Variants in NRF1 observed in about 807,000 individuals in gnomAD.
NRF1 encodes alpha palindromic-binding protein.
In NRF1, 5 loss-of-function variants were observed where a neutral mutation model predicts 58.5. The observed-to-expected ratio is 0.09, with a 90% confidence interval of 0.04 to 0.18. The LOEUF (loss-of-function observed/expected upper bound fraction) is 0.18, where lower values mean the gene tolerates loss of function less well. Among genes scored for constraint, NRF1 ranks in the 10% least tolerant of loss-of-function variants. NRF1 has a pLI of 1.00. For synonymous variants in NRF1, 224 were observed against 246.7 expected, an observed-to-expected ratio of 0.91 and a Z score of 0.86; for missense variants, 288 against 657.7, an observed-to-expected ratio of 0.44 and a Z score of 6.15.
intron 1 of NRF1, among the ~76,000 whole-genome samples, chr7:129,623,785 A>G (rs999566873): frequency 2.0e-5 from 3 of 152,206 alleles, no homozygotes; most frequent in African/African-American, 7.2e-5. Context: ...GGTGACGATG[A>G]CAAAGTCCGA....
intron 1 of NRF1, among the ~76,000 whole-genome samples, chr7:129,618,510 C>T (rs972480175): frequency 5.8e-4 from 88 of 152,176 alleles, no homozygotes; most frequent in African/African-American, 1.9e-3. Context: ...GTCTGGGCAA[C>T]GTTGTGAGAC....
At chr7:129,652,812 T>A (rs889774424) in intron 1 of NRF1, among the ~76,000 whole-genome samples, 1 of 152,182 alleles carries the variant, frequency 6.6e-6, no homozygotes, top group Non-Finnish European at 1.5e-5. Context: ...CAGGATGGTC[T>A]CGATCTCCTG....
intron 5 of NRF1, among the ~76,000 whole-genome samples, chr7:129,695,151 TTC>T (rs1802658630): frequency 6.6e-6 from 1 of 152,196 alleles, no homozygotes; most frequent in Admixed American, 6.5e-5. Context: ...GGCTTTATTT[TTC>T]TGTTTCTTTT....
intron 2 of NRF1, among the ~76,000 whole-genome samples, chr7:129,663,663 G>T (rs1312940251): frequency 4.6e-5 from 7 of 151,464 alleles, no homozygotes; most frequent in Non-Finnish European, 7.4e-5. Flanking sequence ...GGGCAGAGGG[G>T]CTCCTCACAT....
chr7:129,690,817 C>CA (rs1174630677), intron 5 of NRF1, among the ~76,000 whole-genome samples: 1 of 151,024 alleles, frequency 6.6e-6, no homozygotes, highest in African/African-American at 2.4e-5. Flanking sequence ...TAAAAAAAAA[C>CA]AAAAAAACTT....
intron 5 of NRF1, among the ~76,000 whole-genome samples, chr7:129,702,153 A>G (rs1802840591): frequency 6.6e-6 from 1 of 152,186 alleles, no homozygotes. Flanking sequence ...CTTTATCTAT[A>G]TTATTTACAT....
chr7:129,752,474 A>G lies in NRF1; in HGVS notation c.1349-2544A>G, dbSNP rs568216398. ...CGAAAGGCCTTGAAGACCATGCTAA[A>G]TCATTTGAACTTTGTTACAAGCTTT... On this transcript the variant is annotated intron_variant, in intron 10 of 10. Transcript: ENST00000393232. Among the ~76,000 whole-genome samples, 13 of 152,312 alleles carry G rather than the reference A, an allele frequency of 8.5e-5. No homozygotes were observed. In the South Asian group the frequency reaches 1.7e-3, roughly 19 times the overall value.
chr7:129,632,858 T>C (rs1801081214), intron 1 of NRF1, among the ~76,000 whole-genome samples: 2 of 152,158 alleles, frequency 1.3e-5, no homozygotes, highest in Non-Finnish European at 2.9e-5. Flanking sequence ...ATGATAAAAA[T>C]TTGTAGCCCA....
intron 10 of NRF1, among the ~76,000 whole-genome samples, chr7:129,742,903 G>A (rs1562990990): frequency 1.3e-5 from 2 of 152,098 alleles, no homozygotes; most frequent in East Asian, 1.9e-4. Context: ...CCACTGTGTC[G>A]GACAGCACTC....
intron 7 of NRF1, among the ~76,000 whole-genome samples, chr7:129,710,946 T>C (rs1282421666): frequency 7.1e-6 from 1 of 141,024 alleles, no homozygotes. Flanking sequence ...CCTGGCTGAA[T>C]TTTTTTTTTT....
intron 2 of NRF1, among the ~76,000 whole-genome samples, chr7:129,667,700 T>G (rs1232977650): frequency 6.6e-6 from 1 of 151,556 alleles, no homozygotes; most frequent in Non-Finnish European, 1.5e-5. Context: ...TATAGTAGTT[T>G]ATTGTAGAAG....
intron 2 of NRF1, among the ~76,000 whole-genome samples, chr7:129,658,401 G>A (rs1801706195): frequency 6.6e-6 from 1 of 151,978 alleles, no homozygotes; most frequent in African/African-American, 2.4e-5. Context: ...AGACCAGCCT[G>A]GGCAATGTAG....
chr7:129,621,655 G>A (rs936300576), intron 1 of NRF1, among the ~76,000 whole-genome samples: 2 of 152,090 alleles, frequency 1.3e-5, no homozygotes, highest in African/African-American at 4.8e-5. Context: ...CTAGCTGTAG[G>A]TGCTAAGTCT....
chr7:129,677,581 T>C, intron 3 of NRF1, 51 bp from the exon 4 acceptor site: 1 of 1,585,780 alleles, frequency 6.3e-7, no homozygotes, highest in Non-Finnish European at 8.6e-7. Flanking sequence ...TATGTCACTG[T>C]AATTTCCGTC....
chr7:129,676,326 A>G (rs550735570), intron 3 of NRF1, among the ~76,000 whole-genome samples: 14 of 152,334 alleles, frequency 9.2e-5, no homozygotes, highest in South Asian at 4.1e-4. Context: ...CTGTCAGCCT[A>G]TCTTGGCTTT....
At chr7:129,648,653 A>T (rs111976713) in intron 1 of NRF1, among the ~76,000 whole-genome samples, 4,846 of 152,126 alleles carry the variant, frequency 0.032, 121 homozygotes, top group Middle Eastern at 0.061. Flanking sequence ...TGATAGTTAC[A>T]TTGTAATACT....
chr7:129,724,087 C>G (rs1562983994), intron 9 of NRF1, among the ~76,000 whole-genome samples: 1 of 152,188 alleles, frequency 6.6e-6, no homozygotes, highest in African/African-American at 2.4e-5. Context: ...CATCAAAAGA[C>G]TATCAGTAGA....
chr7:129,636,289 C>T (rs986424990), intron 1 of NRF1, among the ~76,000 whole-genome samples: 3 of 151,950 alleles, frequency 2.0e-5, no homozygotes, highest in Admixed American at 2.0e-4. Context: ...GGCTGGAGTA[C>T]AGTGGTGTGA....
chr7:129,756,218 C>T lies in NRF1; in HGVS notation c.*1037C>T, dbSNP rs1562996176. ...CCGTGGGAGCAATTTTCTCTACTGT[C>T]TGTAGCTTCACAGAGGAGGCGCTGG... On this transcript the variant is annotated 3_prime_UTR_variant, in exon 11 of 11. Transcript: ENST00000393232. 6.6e-6 allele frequency: 1 copy of T among 152,254 alleles called. No individual in the cohort carries two copies. Among genetic ancestry groups the T allele is most frequent in the Non-Finnish European group, 1.5e-5 (1 of 68,106 alleles). The allele number at this position is 152,254 out of a possible 1,614,324, so 9.4% of individuals were successfully genotyped here. A position where few individuals can be genotyped will look rare whatever the true frequency, so the allele number is the denominator to read the frequency against.
Sources: allele counts gnomAD v4.1 joint callset (sites outside exome capture counted in the v4.1 genomes callset), GRCh38; gene constraint gnomAD v4.1.1; transcripts MANE v1.5; gene names NCBI Gene and HGNC (gene_info 2026-07-23, HGNC 2026-07-21).